The following SETD7 variants were observed in gnomAD, a reference collection of about 807,000 sequenced individuals.
SETD7 encodes histone-lysine N-methyltransferase SETD7.
In SETD7, 16 loss-of-function variants were observed where a neutral mutation model predicts 41.8. The observed-to-expected ratio is 0.38, with a 90% confidence interval of 0.26 to 0.58. The LOEUF (loss-of-function observed/expected upper bound fraction) is 0.58. SETD7 is among the 20% of genes least tolerant of loss of function. The probability of loss-of-function intolerance (pLI) is 0.64; values close to 1 mark genes in which losing one functional copy is unlikely to be tolerated. For synonymous variants in SETD7, 163 were observed against 169.7 expected, an observed-to-expected ratio of 0.96 and a Z score of 0.31; for missense variants, 346 against 459.7, an observed-to-expected ratio of 0.75 and a Z score of 2.26.
chr4:139,524,344 G>T (rs113171302), intron 4 of SETD7, among the ~76,000 whole-genome samples: 24 of 152,340 alleles, frequency 1.6e-4, no homozygotes, highest in Admixed American at 1.2e-3. Flanking sequence ...GTTTCAAAAA[G>T]AATTCAGTTC....
intron 6 of SETD7, among the ~76,000 whole-genome samples, chr4:139,519,659 A>G (rs1727125650): frequency 6.6e-6 from 1 of 152,266 alleles, no homozygotes. Flanking sequence ...CCATAAGCTT[A>G]AGGTCCCATA....
At chr4:139,501,668 A>G (rs1378084147), downstream of SETD7, among the ~76,000 whole-genome samples, 1 of 152,226 alleles carries the variant, frequency 6.6e-6, no homozygotes, top group Non-Finnish European at 1.5e-5. Context: ...TCACTCCCAC[A>G]TCACATGCCT....
downstream of SETD7, among the ~76,000 whole-genome samples, chr4:139,501,552 A>C (rs187866921): frequency 7.2e-3 from 1,100 of 152,264 alleles, 13 homozygotes; most frequent in East Asian, 0.04. Context: ...TCCATGTAAC[A>C]AAAAACCACT....
At chr4:139,498,060 C>T (rs1726499107) in intron 7 of SETD7, among the ~76,000 whole-genome samples, 2 of 152,198 alleles carry the variant, frequency 1.3e-5, no homozygotes, top group Admixed American at 1.3e-4. Flanking sequence ...TCAGTGGTGA[C>T]CGTTATTTGC....
downstream of SETD7, among the ~76,000 whole-genome samples, chr4:139,501,782 A>C (rs901274507): frequency 2.6e-5 from 4 of 152,218 alleles, no homozygotes; most frequent in Admixed American, 6.5e-5. Context: ...TAAACAATCG[A>C]GAACACACAA....
chr4:139,533,959 A>G (rs942609471), intron 2 of SETD7, among the ~76,000 whole-genome samples: 4 of 149,996 alleles, frequency 2.7e-5, no homozygotes, highest in African/African-American at 9.9e-5. Flanking sequence ...AAGTATATCT[A>G]TATATCTATG....
Position 139,555,993 on chromosome 4 carries a change from A to T in SETD7, c.40+105T>A, listed in dbSNP as rs1728258684. The stretch of plus-strand genomic sequence containing the variant: ...GCAACCGGCCACCCGTGTAGGGGAC[A>T]GTGGCGGCCGCGGGGCCCGGCGCCG... On this transcript the variant is annotated intron_variant, in intron 1 of 7. Transcript: ENST00000274031. This position sits in a 1 kb window ranked among gnomAD's most constrained non-coding sequence, Gnocchi z 4.0. 1 of 1,201,588 alleles carries T rather than the reference A, an allele frequency of 8.3e-7. No homozygotes were observed. The highest frequency in any genetic ancestry group is 2.7e-5 in the Admixed American group (1 of 36,782). The allele number at this position is 1,201,588 out of a possible 1,614,324, so 74.4% of individuals were successfully genotyped here. A position where few individuals can be genotyped will look rare whatever the true frequency, so the allele number is the denominator to read the frequency against.
At chr4:139,538,037 G>A (rs1454422797) in intron 2 of SETD7, among the ~76,000 whole-genome samples, 5 of 151,778 alleles carry the variant, frequency 3.3e-5, no homozygotes, top group African/African-American at 1.2e-4. Context: ...AAAAAACTGG[G>A]TTTAAAAAGC....
chr4:139,514,608 G>T (rs1726972303), intron 7 of SETD7, among the ~76,000 whole-genome samples: 1 of 152,210 alleles, frequency 6.6e-6, no homozygotes, highest in Non-Finnish European at 1.5e-5. Context: ...TGATCTCAAT[G>T]GTGATAGCAG....
chr4:139,516,247 C>A (rs1186802111), intron 7 of SETD7, among the ~76,000 whole-genome samples: 5 of 151,212 alleles, frequency 3.3e-5, no homozygotes, highest in African/African-American at 1.2e-4. Context: ...GGGTGGATCC[C>A]CTGAGGTCAG....
Position 139,534,974 on chromosome 4 carries a change from T to C in SETD7, c.171-1608A>G, listed in dbSNP as rs544677359. ...AGTATCCCAAGGAGATAAATAGTTT[T>C]CTTTCAGTTTTATTTGTACTATCAA... On this transcript the variant is annotated intron_variant, in intron 2 of 7. Transcript: ENST00000274031. Among the ~76,000 whole-genome samples, 65 of 152,356 alleles carry C rather than the reference T, an allele frequency of 4.3e-4. 3 individuals are homozygous for C. The South Asian group carries it at 0.013, about 31-fold the overall frequency.
chr4:139,511,737 C>G lies in SETD7; in HGVS notation c.1027G>C (p.Gly343Arg). 1 of 1,613,962 alleles carries G rather than the reference C, an allele frequency of 6.2e-7. No homozygotes were observed. The highest frequency in any genetic ancestry group is 8.5e-7 in the Non-Finnish European group (1 of 1,179,974). The change falls in exon 8 of 8, where the codon GGG becomes CGG. Residue 343 changes from glycine (G) to arginine (R), a missense_variant. Around this residue, in one of 3 missense-constraint regions of SETD7, gnomAD observed 75 missense variants for 65.5 expected, o/e 1.14. Coordinates refer to ENST00000274031, the MANE Select transcript of SETD7 (RefSeq NM_030648.4). ...TCAGGGGCTTCAGGCCCACTCTTCC[C>G]GGGGGGGCTGTGGTCATAGCCATAG... Reference protein sequence around the residue: ...VAYGYDHSPPGKSGPEAPEWY... With the variant: ...VAYGYDHSPPRKSGPEAPEWY...
chr4:139,500,778 G>T (rs929978036), intron 7 of SETD7, among the ~76,000 whole-genome samples: 1 of 152,126 alleles, frequency 6.6e-6, no homozygotes, highest in Non-Finnish European at 1.5e-5. Flanking sequence ...CAAAGTGCTG[G>T]GATTACAGGC....
chr4:139,493,002 T>A (rs1726380621), downstream of SETD7, among the ~76,000 whole-genome samples: 1 of 152,120 alleles, frequency 6.6e-6, no homozygotes, highest in African/African-American at 2.4e-5. Context: ...TCTTTTATTT[T>A]ATAAATATTA....
At chr4:139,496,717 T>A (rs955131086) in intron 7 of SETD7, among the ~76,000 whole-genome samples, 1 of 152,210 alleles carries the variant, frequency 6.6e-6, no homozygotes, top group African/African-American at 2.4e-5. Flanking sequence ...AACCTGATGT[T>A]CCACGGGGAC....
intron 2 of SETD7, among the ~76,000 whole-genome samples, chr4:139,543,865 G>T (rs1331490734): frequency 6.6e-6 from 1 of 151,958 alleles, no homozygotes; most frequent in Non-Finnish European, 1.5e-5. Flanking sequence ...TCAGGAGGCT[G>T]AGGCAGGAGA....
At chr4:139,525,314 CT>C (rs1727295614) in intron 4 of SETD7, among the ~76,000 whole-genome samples, 3 of 152,232 alleles carry the variant, frequency 2.0e-5, no homozygotes, top group Non-Finnish European at 4.4e-5. Flanking sequence ...GGAGTGCACA[CT>C]ATCTCTTCCA....
intron 2 of SETD7, among the ~76,000 whole-genome samples, chr4:139,541,411 C>G (rs1186467467): frequency 6.6e-6 from 1 of 152,178 alleles, no homozygotes; most frequent in African/African-American, 2.4e-5. Flanking sequence ...ATTTTGAACA[C>G]TACACGTTTT....
chr4:139,528,191 T>C (rs941663659), intron 4 of SETD7, among the ~76,000 whole-genome samples: 1 of 152,266 alleles, frequency 6.6e-6, no homozygotes, highest in African/African-American at 2.4e-5. Flanking sequence ...AGTAATTTTA[T>C]ACTCAGAAAA....
Sources: gnomAD v4.1 joint callset for allele counts (sites outside exome capture counted in the v4.1 genomes callset) on GRCh38, gnomAD v4.1.1 for gene constraint, gnomAD v4.1.1 regional missense constraint, Gnocchi (gnomAD v3.1) non-coding constraint, MANE v1.5 for transcripts, NCBI Gene and HGNC (gene_info 2026-07-23, HGNC 2026-07-21) for gene names.